The following TRPC5 variants were observed in gnomAD, a reference collection of about 807,000 sequenced individuals.
TRPC5 encodes the protein short transient receptor potential channel 5.
Under a neutral mutation model 56.5 loss-of-function variants are expected in TRPC5, and 9 were observed. That is an observed-to-expected ratio of 0.16 (90% confidence interval 0.10 to 0.28). TRPC5 has a LOEUF of 0.28. Ranked by LOEUF, TRPC5 falls within the 10% of genes least tolerant of loss-of-function variation. The pLI is 1.00. For synonymous variants in TRPC5, 282 were observed against 278.5 expected (o/e 1.01, Z -0.13); for missense variants, 469 against 748.9 (o/e 0.63, Z 4.36).
rs996153360 is a variant in TRPC5 at position 111,772,042 on chromosome X, A to G, written c.*4271T>C. 9.0e-6 allele frequency among the ~76,000 whole-genome samples: 1 copy of G among 111,643 alleles called. No homozygotes were observed. Among genetic ancestry groups the G allele is most frequent in the Non-Finnish European group, 1.9e-5 (1 of 53,164 alleles). ...TACACAGACACGTTCTCACTTTTAC[A>G]GACATCCCTCAAAAGGCAAAGCAAG... On this transcript the variant is annotated 3_prime_UTR_variant, in exon 11 of 11. Coordinates refer to ENST00000262839, the MANE Select transcript of TRPC5 (RefSeq NM_012471.3).
intron 3 of TRPC5, among the ~76,000 whole-genome samples, chrX:111,899,492 A>C (rs936307785): frequency 9.0e-5 from 10 of 111,702 alleles, no homozygotes; most frequent in Admixed American, 2.9e-4. Context: ...AGAATGAAAC[A>C]CATAAGTGAA....
At chrX:112,028,804 C>T (rs1388971699) in intron 1 of TRPC5, among the ~76,000 whole-genome samples, 2 of 111,756 alleles carry the variant, frequency 1.8e-5, no homozygotes, top group African/African-American at 6.5e-5. Flanking sequence ...AATGGGATCG[C>T]TGGGTCAAAT....
intron 3 of TRPC5, among the ~76,000 whole-genome samples, chrX:111,873,518 C>T (rs751681882): frequency 8.1e-5 from 9 of 111,466 alleles, no homozygotes; most frequent in East Asian, 5.6e-4. Flanking sequence ...TGTGATGGCT[C>T]ATGTCTGTAA....
chrX:111,785,391 CA>C (rs1208663357), intron 7 of TRPC5, among the ~76,000 whole-genome samples: 1 of 111,479 alleles, frequency 9.0e-6, no homozygotes, highest in Non-Finnish European at 1.9e-5. Context: ...TCATCTATAC[CA>C]AAACCCCATC....
At chrX:112,009,489 C>T (rs1368523495) in intron 1 of TRPC5, among the ~76,000 whole-genome samples, 1 of 111,595 alleles carries the variant, frequency 9.0e-6, no homozygotes, top group Non-Finnish European at 1.9e-5. Context: ...AGAAGTCTGC[C>T]TGACTTTGAA....
At chrX:111,963,007 G>A (rs1037861503) in intron 1 of TRPC5, among the ~76,000 whole-genome samples, 6 of 111,908 alleles carry the variant, frequency 5.4e-5, no homozygotes, top group African/African-American at 9.7e-5. Context: ...TACCATGTGC[G>A]AGCCGAAGCA....
chrX:112,073,842 C>T (rs890982830), intron 1 of TRPC5, among the ~76,000 whole-genome samples: 8 of 111,952 alleles, frequency 7.1e-5, no homozygotes, highest in Non-Finnish European at 1.5e-4. Flanking sequence ...TTCTCTGTTA[C>T]CTAGCAAGGA....
intron 1 of TRPC5, among the ~76,000 whole-genome samples, chrX:112,066,365 C>T (rs2147742943): frequency 9.0e-6 from 1 of 111,711 alleles, no homozygotes; most frequent in African/African-American, 3.2e-5. Context: ...GTGTTAGGCC[C>T]TGGGAATACG....
intron 1 of TRPC5, among the ~76,000 whole-genome samples, chrX:112,009,902 G>A (rs1285673258): frequency 4.5e-5 from 5 of 111,157 alleles, no homozygotes; most frequent in Non-Finnish European, 9.4e-5. Flanking sequence ...TGTAAACGAC[G>A]AGTTAATGGG....
intron 3 of TRPC5, chrX:111,902,467 T>C (rs755752493): frequency 1.3e-5 from 2 of 155,741 alleles, no homozygotes; most frequent in East Asian, 3.0e-4. Context: ...GAGCAAACAA[T>C]AGTAAAGAAA....
intron 7 of TRPC5, among the ~76,000 whole-genome samples, chrX:111,796,424 A>T (rs1024763237): frequency 1.8e-5 from 2 of 111,669 alleles, no homozygotes; most frequent in African/African-American, 6.5e-5. Flanking sequence ...GTATTTTATA[A>T]AACTAGACAT....
chrX:112,029,027 C>T (rs753611964), intron 1 of TRPC5, among the ~76,000 whole-genome samples: 8 of 112,136 alleles, frequency 7.1e-5, no homozygotes, highest in Non-Finnish European at 1.5e-4. Context: ...TTTTAAAATA[C>T]GCAATGTATT....
At chrX:111,966,835 T>G (rs1016279133) in intron 1 of TRPC5, among the ~76,000 whole-genome samples, 1 of 111,954 alleles carries the variant, frequency 8.9e-6, no homozygotes, top group African/African-American at 3.3e-5. Flanking sequence ...TATCTCAAAA[T>G]AATAAGAGCT....
Position 111,967,628 on chromosome X carries a change from C to T in TRPC5, c.-21-15187G>A, listed in dbSNP as rs1400260795. On this transcript the variant is annotated intron_variant, in intron 1 of 10. Transcript: ENST00000262839. ...TGGTACTGGTACCAAAACAGAGATA[C>T]AGATCAATGGAACAGAACAGAGCCC... is the stretch of plus-strand genomic sequence containing the variant. Among the ~76,000 whole-genome samples the T allele has an allele frequency of 1.5e-4, 17 of 111,172 alleles. No homozygotes were observed. In the South Asian group the frequency reaches 2.3e-3, roughly 15 times the overall value.
At chrX:111,942,286 T>G (rs1926801908) in intron 2 of TRPC5, among the ~76,000 whole-genome samples, 1 of 112,513 alleles carries the variant, frequency 8.9e-6, no homozygotes, top group South Asian at 3.7e-4. Flanking sequence ...TCAATTTGAT[T>G]GTGAGGCATA....
At chrX:111,972,952 ACTT>A (rs1357511536) in intron 1 of TRPC5, among the ~76,000 whole-genome samples, 2 of 111,485 alleles carry the variant, frequency 1.8e-5, no homozygotes, top group African/African-American at 6.5e-5. Context: ...TTATAGATGG[ACTT>A]CTTATCTTTT....
At position 111,853,963 on chromosome X, in the gene TRPC5, G is replaced by C; in HGVS notation, c.1044C>G (p.Tyr348Ter). Residue 348 changes from tyrosine to a stop codon, truncating the protein, a stop_gained, in exon 4 of 11, where the codon TAC becomes TAG. Coordinates refer to ENST00000262839, the MANE Select transcript of TRPC5 (RefSeq NM_012471.3). LOFTEE classifies it high-confidence loss of function. ...GFLFPMLSIA[Y>*]LISPRSNLGL... ...CAAGGTTGCTCCTGGGTGAGATCAGGTAGGCTATAGACAGCATGGGAAACA... is the reference window on the plus strand; with the variant it reads ...CAAGGTTGCTCCTGGGTGAGATCAGCTAGGCTATAGACAGCATGGGAAACA... 2 of 1,211,790 alleles carry C rather than the reference G, an allele frequency of 1.7e-6. No homozygotes were observed. The highest frequency in any genetic ancestry group is 1.1e-6 in the Non-Finnish European group (1 of 895,536).
chrX:111,802,849 T>C (rs959724357), intron 7 of TRPC5, among the ~76,000 whole-genome samples: 1 of 111,591 alleles, frequency 9.0e-6, no homozygotes, highest in African/African-American at 3.3e-5. Context: ...TCTTTATTTA[T>C]TTATTCATTT....
chrX:112,062,543 G>A (rs1184797413), intron 1 of TRPC5, among the ~76,000 whole-genome samples: 1 of 112,043 alleles, frequency 8.9e-6, no homozygotes, highest in Non-Finnish European at 1.9e-5. Flanking sequence ...TAGAATTTGA[G>A]CTGGATCTCA....
Sources: gnomAD v4.1 joint callset for allele counts (sites outside exome capture counted in the v4.1 genomes callset) on GRCh38, gnomAD v4.1.1 for gene constraint, MANE v1.5 for transcripts, NCBI Gene and HGNC (gene_info 2026-07-23, HGNC 2026-07-21) for gene names.